WDR70: variants seen among roughly 807,000 people sequenced by gnomAD.
WDR70 encodes WD repeat-containing protein 70.
A neutral mutation model predicts 88.6 loss-of-function variants in WDR70; 53 were observed. That is an observed-to-expected ratio of 0.60 (90% CI 0.48 to 0.75). WDR70 has a LOEUF of 0.75. Ranked by LOEUF, WDR70 falls within the 30% of genes least tolerant of loss-of-function variation. The pLI is 0.00. For missense variants in WDR70, 610 were observed against 823.2 expected, an observed-to-expected ratio of 0.74 and a Z score of 3.17; for synonymous variants, 280 against 270.0, an observed-to-expected ratio of 1.04 and a Z score of -0.36.
At chr5:37,621,189 T>C (rs1194119272) in intron 10 of WDR70, among the ~76,000 whole-genome samples, 1 of 152,182 alleles carries the variant, frequency 6.6e-6, no homozygotes, top group East Asian at 1.9e-4. Context: ...GAGGTAAGTC[T>C]GTTTCCCAAA....
chr5:37,379,322 T>C lies in WDR70; in HGVS notation c.-46T>C. 1 of 1,610,054 alleles carries C rather than the reference T, an allele frequency of 6.2e-7. No homozygotes were observed. The highest frequency in any genetic ancestry group is 8.5e-7 in the Non-Finnish European group (1 of 1,177,972). On this transcript the variant is annotated 5_prime_UTR_variant, in exon 1 of 18. Transcript: ENST00000265107. ...AAGTTATTGGCAAGTTCCCCTGCAG[T>C]TGTTTGGGCTGTCCCTGTGGCTGGT...
chr5:37,610,205 G>A (rs942750179), intron 10 of WDR70, among the ~76,000 whole-genome samples: 4 of 149,858 alleles, frequency 2.7e-5, no homozygotes, highest in African/African-American at 7.4e-5. Flanking sequence ...GGCGGAGGTT[G>A]CAGTGAGCCG....
chr5:37,395,498 C>T (rs904494988), intron 4 of WDR70, among the ~76,000 whole-genome samples: 4 of 152,124 alleles, frequency 2.6e-5, no homozygotes, highest in Non-Finnish European at 2.9e-5. Context: ...CTTGGACACC[C>T]CTGGTTAGAG....
intron 10 of WDR70, among the ~76,000 whole-genome samples, chr5:37,665,706 A>G (rs1745820032): frequency 1.3e-5 from 2 of 152,214 alleles, no homozygotes. Flanking sequence ...TTATCTTTAG[A>G]TGAGTACATT....
At chr5:37,720,476 A>G (rs1747776235) in intron 13 of WDR70, among the ~76,000 whole-genome samples, 2 of 152,178 alleles carry the variant, frequency 1.3e-5, no homozygotes, top group South Asian at 4.1e-4. Context: ...TTTCCTTACC[A>G]GTAATGAATT....
At chr5:37,524,498 A>C (rs1204651472) in intron 9 of WDR70, among the ~76,000 whole-genome samples, 1 of 152,238 alleles carries the variant, frequency 6.6e-6, no homozygotes, top group East Asian at 1.9e-4. Flanking sequence ...CATGGAAATA[A>C]ACAACCGCTA....
rs763235721 is a variant in WDR70 at position 37,542,176 on chromosome 5, A to G, written c.917+25586A>G. 3.3e-5 allele frequency among the ~76,000 whole-genome samples: 5 copies of G among 152,220 alleles called. No individual in the cohort carries two copies. In the South Asian group the frequency reaches 6.2e-4, roughly 19 times the overall value. ...CAACCATGATTAGATGATTTTACCTATAAGTAAAAGACATAATTTCATATT... is the reference window on the plus strand; with the variant it reads ...CAACCATGATTAGATGATTTTACCTGTAAGTAAAAGACATAATTTCATATT... On this transcript the variant is annotated intron_variant, in intron 9 of 17. Transcript: ENST00000265107.
intron 9 of WDR70, among the ~76,000 whole-genome samples, chr5:37,555,335 C>T (rs1474789498): frequency 6.6e-6 from 1 of 152,168 alleles, no homozygotes. Context: ...ACACAACATT[C>T]TCATAAACAT....
intron 10 of WDR70, among the ~76,000 whole-genome samples, chr5:37,658,347 T>G (rs1332649319): frequency 1.3e-5 from 2 of 152,034 alleles, no homozygotes; most frequent in Non-Finnish European, 2.9e-5. Context: ...GGAAATTCCT[T>G]TATTGACAAC....
intron 10 of WDR70, among the ~76,000 whole-genome samples, chr5:37,681,346 T>A (rs1307155653): frequency 1.3e-5 from 2 of 152,178 alleles, no homozygotes; most frequent in Non-Finnish European, 2.9e-5. Flanking sequence ...TGTGAGGTTT[T>A]CTAGATATAG....
chr5:37,615,734 A>G (rs188564109), intron 10 of WDR70, among the ~76,000 whole-genome samples: 115 of 152,334 alleles, frequency 7.5e-4, no homozygotes, highest in Non-Finnish European at 1.3e-3. Flanking sequence ...TGTCTCTTGT[A>G]GAACTCATTC....
At position 37,703,022 on chromosome 5, in the gene WDR70, G is replaced by A. The variant is rs769958146; in HGVS notation, c.1351G>A (p.Gly451Ser). 17 of 1,613,686 alleles carry A rather than the reference G, an allele frequency of 1.1e-5. No individual in the cohort carries two copies. In the East Asian group the frequency reaches 2.0e-4, roughly 19 times the overall value. ...GTSIQRGCGSGKLVFFERRTF... is the reference protein window; with the variant it reads ...GTSIQRGCGSSKLVFFERRTF... The stretch of plus-strand genomic sequence containing the variant: ...ATCTATTCAAAGAGGATGTGGCAGC[G>A]GCAAACTTGTTTTCTTTGAGCGTAG... Residue 451 changes from glycine to serine, a missense_variant, in exon 13 of 18, where the codon GGC (glycine) becomes AGC (serine). By Grantham distance (56) the Gly-to-Ser change is moderately conservative. Coordinates refer to ENST00000265107, the MANE Select transcript of WDR70 (RefSeq NM_018034.4).
intron 9 of WDR70, among the ~76,000 whole-genome samples, chr5:37,581,453 C>G (rs553200427): frequency 1.3e-5 from 2 of 152,248 alleles, no homozygotes; most frequent in African/African-American, 2.4e-5. Context: ...GAGTTAAAAA[C>G]AGGCAAAATG....
chr5:37,438,665 T>C (rs1750556980), intron 6 of WDR70, among the ~76,000 whole-genome samples: 1 of 152,030 alleles, frequency 6.6e-6, no homozygotes, highest in African/African-American at 2.4e-5. Flanking sequence ...AGAAAATACA[T>C]CCCATAATAA....
intron 9 of WDR70, among the ~76,000 whole-genome samples, chr5:37,562,191 C>G (rs1742526109): frequency 6.6e-6 from 1 of 152,152 alleles, no homozygotes; most frequent in African/African-American, 2.4e-5. Flanking sequence ...AACCCCGTCT[C>G]TATTAAAATA....
chr5:37,695,127 G>T (rs936730682), intron 10 of WDR70, among the ~76,000 whole-genome samples: 2 of 152,162 alleles, frequency 1.3e-5, no homozygotes, highest in Non-Finnish European at 2.9e-5. Context: ...AGAAGGCAAA[G>T]GGGGAGTGAG....
At chr5:37,643,411 A>G (rs191195926) in intron 10 of WDR70, among the ~76,000 whole-genome samples, 4 of 151,890 alleles carry the variant, frequency 2.6e-5, no homozygotes, top group Admixed American at 2.0e-4. Flanking sequence ...TTGACATCAG[A>G]TAATGTGATT....
At chr5:37,595,624 T>C (rs1237127271) in intron 9 of WDR70, among the ~76,000 whole-genome samples, 3 of 152,182 alleles carry the variant, frequency 2.0e-5, no homozygotes, top group African/African-American at 7.2e-5. Context: ...GTAAACAACT[T>C]GGAATAGCCT....
At chr5:37,616,758 T>C (rs1056656558) in intron 10 of WDR70, among the ~76,000 whole-genome samples, 13 of 152,264 alleles carry the variant, frequency 8.5e-5, no homozygotes, top group South Asian at 6.2e-4. Context: ...TTGCTGTTTC[T>C]CTGTGCCCAA....
Sources: allele counts gnomAD v4.1 joint callset (sites outside exome capture counted in the v4.1 genomes callset), GRCh38; gene constraint gnomAD v4.1.1; transcripts MANE v1.5; gene names NCBI Gene and HGNC (gene_info 2026-07-23, HGNC 2026-07-21).